LRBA: variants seen among roughly 807,000 people sequenced by gnomAD.
LRBA encodes the protein LPS responsive beige-like anchor protein.
In LRBA, 176 loss-of-function variants were observed where a neutral mutation model predicts 330.0. That is an observed-to-expected ratio of 0.53 (90% CI 0.47 to 0.60). The LOEUF (loss-of-function observed/expected upper bound fraction) is 0.60, where lower values mean the gene tolerates loss of function less well. Among genes scored for constraint, LRBA ranks in the 20% least tolerant of loss-of-function variants. The pLI is 0.00. For missense variants in LRBA, 3,259 were observed against 3,444.8 expected, an observed-to-expected ratio of 0.95 and a Z score of 1.35; for synonymous variants, 1,230 against 1,193.0, an observed-to-expected ratio of 1.03 and a Z score of -0.64.
intron 48 of LRBA, among the ~76,000 whole-genome samples, chr4:150,334,479 T>C (rs752299999): frequency 6.6e-6 from 1 of 152,092 alleles, no homozygotes; most frequent in Admixed American, 6.6e-5. Flanking sequence ...AAAGTCAAGT[T>C]TGTATGTTAT....
intron 37 of LRBA, among the ~76,000 whole-genome samples, chr4:150,609,429 C>T (rs1001288400): frequency 6.6e-6 from 1 of 152,160 alleles, no homozygotes; most frequent in Non-Finnish European, 1.5e-5. Context: ...ATAGTTTATA[C>T]ATCCGGGGAC....
chr4:150,841,560 T>A (rs1348595639), intron 28 of LRBA, among the ~76,000 whole-genome samples: 1 of 152,218 alleles, frequency 6.6e-6, no homozygotes, highest in Non-Finnish European at 1.5e-5. Context: ...ATTATGGTGA[T>A]TAAAAACCTT....
intron 2 of LRBA, among the ~76,000 whole-genome samples, chr4:150,994,055 ACT>A (rs1202548276): frequency 1.4e-5 from 2 of 142,824 alleles, no homozygotes; most frequent in Non-Finnish European, 3.0e-5. Context: ...ACAGAGCAAG[ACT>A]CTGTCTCAAA....
chr4:150,560,973 G>A (rs1003275070), intron 40 of LRBA, among the ~76,000 whole-genome samples: 20 of 151,846 alleles, frequency 1.3e-4, no homozygotes, highest in African/African-American at 4.1e-4. Context: ...CAACAAGAGC[G>A]AAACTCCATC....
chr4:150,597,100 A>C, intron 38 of LRBA: 3 of 1,402,798 alleles, frequency 2.1e-6, no homozygotes, highest in Non-Finnish European at 3.0e-6. Context: ...GTTCTCTCTC[A>C]ATTTAAAAAT....
chr4:150,688,324 A>T (rs1783808610), intron 36 of LRBA, among the ~76,000 whole-genome samples: 1 of 152,264 alleles, frequency 6.6e-6, no homozygotes, highest in South Asian at 2.1e-4. Flanking sequence ...TAAAGATTTA[A>T]ACGTAAGACC....
intron 17 of LRBA, among the ~76,000 whole-genome samples, chr4:150,892,554 A>G (rs1250075011): frequency 2.0e-5 from 3 of 152,192 alleles, no homozygotes; most frequent in Non-Finnish European, 4.4e-5. Flanking sequence ...TTGATCTTAG[A>G]CTTCCCACCT....
rs113513490 is a variant in LRBA at position 150,276,709 on chromosome 4, T to C, written c.8468+1144A>G. Among the ~76,000 whole-genome samples the C allele has an allele frequency of 4.2e-3, 634 of 152,230 alleles. 4 individuals are homozygous for C. The highest frequency in any genetic ancestry group is 0.014 in the African/African-American group (581 of 41,506). On this transcript the variant is annotated intron_variant, in intron 56 of 56. Transcript: ENST00000651943. The stretch of plus-strand genomic sequence containing the variant: ...TCACTGGTCATTAGAGAAATGCAAA[T>C]CAAAACCACAATGAGACACCATCTC...
chr4:150,902,289 G>A (rs1437372171), intron 13 of LRBA, among the ~76,000 whole-genome samples: 1 of 152,088 alleles, frequency 6.6e-6, no homozygotes, highest in Non-Finnish European at 1.5e-5. Flanking sequence ...GAAAAATGAT[G>A]GTTGAAATAA....
intron 13 of LRBA, 98 bp downstream of exon 13, chr4:150,905,740 A>T: frequency 9.6e-7 from 1 of 1,046,898 alleles, no homozygotes; most frequent in Non-Finnish European, 1.4e-6. Flanking sequence ...CTTGCATAAT[A>T]GTACATAAAA....
chr4:150,539,376 C>A (rs1412287804), intron 40 of LRBA, among the ~76,000 whole-genome samples: 1 of 152,088 alleles, frequency 6.6e-6, no homozygotes, highest in Non-Finnish European at 1.5e-5. Flanking sequence ...AATTTTTTAC[C>A]CCAATTTCTA....
At chr4:150,885,103 A>G (rs1449406770) in intron 17 of LRBA, among the ~76,000 whole-genome samples, 1 of 151,832 alleles carries the variant, frequency 6.6e-6, no homozygotes, top group Admixed American at 6.6e-5. Flanking sequence ...TAAATTATAT[A>G]GTCTAAAAAA....
chr4:150,503,303 C>A (rs139775797), intron 40 of LRBA, among the ~76,000 whole-genome samples: 32,579 of 152,174 alleles, frequency 0.21, 4,376 homozygotes, highest in Non-Finnish European at 0.3. Flanking sequence ...AGGCACCCCC[C>A]AGTAGGGGCG....
chr4:150,559,987 C>A (rs1768105871), intron 40 of LRBA, among the ~76,000 whole-genome samples: 1 of 119,918 alleles, frequency 8.3e-6, no homozygotes, highest in Admixed American at 1.1e-4. Context: ...AAATAAGGGA[C>A]ATTATTTCGT....
intron 53 of LRBA, among the ~76,000 whole-genome samples, chr4:150,301,985 C>A (rs1248418716): frequency 6.6e-6 from 1 of 152,110 alleles, no homozygotes; most frequent in Non-Finnish European, 1.5e-5. Context: ...CATTTCTTTT[C>A]TGCAGCTGTG....
chr4:150,651,899 G>A (rs758333639), intron 37 of LRBA, among the ~76,000 whole-genome samples: 2 of 152,158 alleles, frequency 1.3e-5, no homozygotes, highest in Non-Finnish European at 2.9e-5. Context: ...GGTTTGCTCT[G>A]TTGCCCAAGC....
intron 28 of LRBA, 63 bp downstream of exon 28, chr4:150,844,037 A>G: frequency 9.9e-7 from 1 of 1,008,874 alleles, no homozygotes; most frequent in East Asian, 2.4e-5. Flanking sequence ...ATCTCAATAC[A>G]TTAGGCCTAA....
At chr4:150,635,271 A>T (rs1335995870) in intron 37 of LRBA, among the ~76,000 whole-genome samples, 1 of 152,206 alleles carries the variant, frequency 6.6e-6, no homozygotes, top group Non-Finnish European at 1.5e-5. Context: ...CCTATGTGAC[A>T]ATGGTACCAA....
At chr4:150,854,679 T>C (rs1031783700) in intron 22 of LRBA, among the ~76,000 whole-genome samples, 1 of 152,154 alleles carries the variant, frequency 6.6e-6, no homozygotes, top group Non-Finnish European at 1.5e-5. Flanking sequence ...CTCTGTTCTA[T>C]TTGAACAAAG....
Sources: gnomAD v4.1 joint callset for allele counts (sites outside exome capture counted in the v4.1 genomes callset) on GRCh38, gnomAD v4.1.1 for gene constraint, MANE v1.5 for transcripts, NCBI Gene and HGNC (gene_info 2026-07-23, HGNC 2026-07-21) for gene names.